Variants in MOB3B observed in about 807,000 individuals in gnomAD.
The protein encoded by MOB3B is MOB kinase activator 3B, also known as MOB kinase activator-like 2B.
A neutral mutation model predicts 18.7 loss-of-function variants in MOB3B; 7 were observed. The observed-to-expected ratio is 0.37, with a 90% CI of 0.21 to 0.70. The LOEUF is 0.70. Ranked by LOEUF, MOB3B falls within the 30% of genes least tolerant of loss-of-function variation. MOB3B has a pLI of 0.52. For missense variants in MOB3B, 253 were observed against 281.3 expected (o/e 0.90, Z 0.72); for synonymous variants, 111 against 99.9 (o/e 1.11, Z -0.66).
intron 2 of MOB3B, among the ~76,000 whole-genome samples, chr9:27,425,614 T>C (rs1822316877): frequency 6.6e-6 from 1 of 152,232 alleles, no homozygotes; most frequent in Admixed American, 6.5e-5. Context: ...AATAGTTTCA[T>C]GCAGATGAAA....
chr9:27,381,642 C>T (rs555181099), intron 2 of MOB3B, among the ~76,000 whole-genome samples: 3 of 152,118 alleles, frequency 2.0e-5, no homozygotes, highest in African/African-American at 7.2e-5. Flanking sequence ...TACAGGTAGC[C>T]CTAGAACTTT....
chr9:27,349,884 A>G (rs1821081253), intron 3 of MOB3B, among the ~76,000 whole-genome samples: 1 of 152,216 alleles, frequency 6.6e-6, no homozygotes, highest in African/African-American at 2.4e-5. Flanking sequence ...GCATGGAGAC[A>G]ATGTGAACAC....
At chr9:27,484,984 AC>A (rs1819713256) in intron 1 of MOB3B, among the ~76,000 whole-genome samples, 1 of 152,090 alleles carries the variant, frequency 6.6e-6, no homozygotes, top group South Asian at 2.1e-4. Flanking sequence ...CAACACATGA[AC>A]CACCCCGGAA....
chr9:27,408,034 G>C (rs1016932048), intron 2 of MOB3B, among the ~76,000 whole-genome samples: 9 of 152,116 alleles, frequency 5.9e-5, no homozygotes. Flanking sequence ...TGGCCACTGA[G>C]CCCGATGCTT....
At chr9:27,390,084 A>G (rs949376810) in intron 2 of MOB3B, among the ~76,000 whole-genome samples, 1 of 152,122 alleles carries the variant, frequency 6.6e-6, no homozygotes. Flanking sequence ...ATATGTGTGT[A>G]TATATATATT....
intron 2 of MOB3B, among the ~76,000 whole-genome samples, chr9:27,382,576 G>A (rs1821593473): frequency 6.6e-6 from 1 of 152,110 alleles, no homozygotes; most frequent in Non-Finnish European, 1.5e-5. Context: ...CAGACAAACA[G>A]GTCCGTGGCT....
At chr9:27,370,887 G>C (rs1384915112) in intron 2 of MOB3B, among the ~76,000 whole-genome samples, 1 of 152,100 alleles carries the variant, frequency 6.6e-6, no homozygotes, top group East Asian at 1.9e-4. Context: ...CTGCTTGGTA[G>C]AAAGATCTCC....
chr9:27,516,326 G>T (rs1410442963), intron 1 of MOB3B, among the ~76,000 whole-genome samples: 2 of 152,164 alleles, frequency 1.3e-5, no homozygotes, highest in Non-Finnish European at 2.9e-5. Context: ...AAGAAACCAG[G>T]CAAACTTGCA....
intron 1 of MOB3B, chr9:27,524,765 A>G: frequency 6.2e-7 from 1 of 1,613,974 alleles, no homozygotes; most frequent in African/African-American, 1.3e-5. Flanking sequence ...AAGAAATGAA[A>G]GAGAATGAGA....
intron 1 of MOB3B, among the ~76,000 whole-genome samples, chr9:27,476,362 G>C (rs1819552672): frequency 6.6e-6 from 1 of 152,086 alleles, no homozygotes; most frequent in Non-Finnish European, 1.5e-5. Flanking sequence ...GTTTCTGGTG[G>C]GGTTTTTTGG....
intron 2 of MOB3B, among the ~76,000 whole-genome samples, chr9:27,444,300 G>A (rs10967938): frequency 0.054 from 4,658 of 86,476 alleles, 133 homozygotes; most frequent in African/African-American, 0.06. Context: ...AGGAAGGAAG[G>A]AAGAAAGGAA....
At chr9:27,406,937 C>T (rs866520914) in intron 2 of MOB3B, among the ~76,000 whole-genome samples, 2 of 151,900 alleles carry the variant, frequency 1.3e-5, no homozygotes, top group Admixed American at 6.6e-5. Flanking sequence ...CTTTTGGATT[C>T]AAGCAATTCT....
rs117503352 is a variant in MOB3B at position 27,353,894 on chromosome 9, A to G, written c.621+5140T>C. 5.7e-3 allele frequency among the ~76,000 whole-genome samples: 861 copies of G among 152,338 alleles called. 6 individuals are homozygous for G. Among genetic ancestry groups the G allele is most frequent in the Admixed American group, 9.3e-3 (143 of 15,308 alleles). ...GGGCCAACAGCAGCCTGCTTATTCA[A>G]TCAGGGCCTGGCCCATTTTCTAATT... On this transcript the variant is annotated intron_variant, in intron 3 of 3. Transcript: ENST00000262244.
At chr9:27,411,330 CAAGAAGGAA>C (rs1822064332) in intron 2 of MOB3B, among the ~76,000 whole-genome samples, 1 of 152,154 alleles carries the variant, frequency 6.6e-6, no homozygotes, top group African/African-American at 2.4e-5. Context: ...TTCAAATTTC[CAAGAAGGAA>C]CATCTAGCAG....
At chr9:27,390,313 G>A (rs189118506) in intron 2 of MOB3B, among the ~76,000 whole-genome samples, 2 of 151,946 alleles carry the variant, frequency 1.3e-5, no homozygotes, top group Non-Finnish European at 2.9e-5. Flanking sequence ...TGCAGTGGGC[G>A]ATCTCCGCTC....
intron 2 of MOB3B, among the ~76,000 whole-genome samples, chr9:27,413,602 G>A (rs973934516): frequency 1.3e-5 from 2 of 152,212 alleles, no homozygotes; most frequent in Admixed American, 1.3e-4. Context: ...GGGAAAGAGC[G>A]AAGTTAGGAA....
At chr9:27,494,609 G>T (rs1398915267) in intron 1 of MOB3B, among the ~76,000 whole-genome samples, 1 of 152,120 alleles carries the variant, frequency 6.6e-6, no homozygotes, top group African/African-American at 2.4e-5. Context: ...CCGCCCTCTG[G>T]GTTTAAGTGA....
chr9:27,516,313 G>A (rs1372342763), intron 1 of MOB3B, among the ~76,000 whole-genome samples: 1 of 152,176 alleles, frequency 6.6e-6, no homozygotes, highest in African/African-American at 2.4e-5. Context: ...AGTGGCAGAA[G>A]TAAAGAAACC....
At chr9:27,395,982 G>C (rs909610874) in intron 2 of MOB3B, among the ~76,000 whole-genome samples, 1 of 152,166 alleles carries the variant, frequency 6.6e-6, no homozygotes, top group Non-Finnish European at 1.5e-5. Flanking sequence ...TGTGTTACTG[G>C]CTGGGAGCTT....
Sources: gnomAD v4.1 joint callset for allele counts (sites outside exome capture counted in the v4.1 genomes callset) on GRCh38, gnomAD v4.1.1 for gene constraint, MANE v1.5 for transcripts, NCBI Gene and HGNC (gene_info 2026-07-23, HGNC 2026-07-21) for gene names.